GLDC: variants seen among roughly 807,000 people sequenced by gnomAD.
GLDC encodes glycine dehydrogenase (decarboxylating), mitochondrial.
GLDC carries 104 observed loss-of-function variants against 121.3 expected under a neutral mutation model. The ratio of observed to expected loss-of-function variants is 0.86; its 90% CI spans 0.73 to 1.01. GLDC has a LOEUF of 1.01. Among genes scored for constraint, GLDC ranks in the 50% least tolerant of loss-of-function variants. The pLI is 0.00. For synonymous variants in GLDC, 546 were observed against 480.6 expected (o/e 1.14, Z -1.78); for missense variants, 1,429 against 1,306.6 (o/e 1.09, Z -1.44).
At chr9:6,587,338 T>A in intron 14 of GLDC, 55 bp from the exon 15 acceptor site, 2 of 1,221,728 alleles carry the variant, frequency 1.6e-6, no homozygotes, top group Admixed American at 1.7e-5. Flanking sequence ...GCAATAGCAA[T>A]AATAACTTTA....
At chr9:6,558,518 C>A (rs1401866035) in intron 17 of GLDC, 41 bp downstream of exon 17, 2 of 1,611,294 alleles carry the variant, frequency 1.2e-6, no homozygotes, top group Admixed American at 3.3e-5. Context: ...CCAGCACTCC[C>A]CATCCCGGCC....
intron 21 of GLDC, 62 bp downstream of exon 21, chr9:6,550,741 G>A: frequency 3.0e-6 from 3 of 1,014,490 alleles, no homozygotes; most frequent in South Asian, 1.3e-5. Flanking sequence ...AGCGCATCTA[G>A]GTCAAACTTA....
At chr9:6,589,336 G>GAGCC in intron 11 of GLDC, 44 bp from the exon 12 acceptor site, 1 of 1,209,340 alleles carries the variant, frequency 8.3e-7, no homozygotes, top group East Asian at 2.3e-5. Flanking sequence ...ACTGTGCCTG[G>GAGCC]AGCCACATGT....
chr9:6,547,126 G>C (rs537523658), intron 21 of GLDC, among the ~76,000 whole-genome samples: 3 of 152,104 alleles, frequency 2.0e-5, no homozygotes, highest in Admixed American at 6.5e-5. Context: ...GATTACAGGT[G>C]TGAACCAACA....
chr9:6,552,660 G>A (rs1226780034), intron 20 of GLDC, among the ~76,000 whole-genome samples: 1 of 152,128 alleles, frequency 6.6e-6, no homozygotes, highest in African/African-American at 2.4e-5. Flanking sequence ...TTTAAAGAGG[G>A]GCACTGCTTT....
At chr9:6,543,414 C>T (rs1239429839) in intron 21 of GLDC, among the ~76,000 whole-genome samples, 2 of 151,996 alleles carry the variant, frequency 1.3e-5, no homozygotes, top group Non-Finnish European at 2.9e-5. Context: ...TTGCTGGCAG[C>T]GCAAGAGGAG....
In GLDC at chr9:6,559,408, G is replaced by A. The variant is rs569939380; in HGVS notation, c.1927-724C>T. 4.0e-5 allele frequency among the ~76,000 whole-genome samples: 6 copies of A among 150,724 alleles called. No homozygotes were observed. In the South Asian group the frequency reaches 1.3e-3, roughly 32 times the overall value. ...TAGGCGTCTGTAATCCCAGTTACTC[G>A]AGAGGCTGAGGCAGGAGAATTGGTT... On this transcript the variant is annotated intron_variant, in intron 16 of 24. Coordinates refer to ENST00000321612, the MANE Select transcript of GLDC (RefSeq NM_000170.3).
intron 21 of GLDC, among the ~76,000 whole-genome samples, chr9:6,545,536 C>T (rs948497626): frequency 6.6e-6 from 1 of 152,162 alleles, no homozygotes; most frequent in African/African-American, 2.4e-5. Flanking sequence ...AGGTCTAGGA[C>T]ATTCCTGTAT....
At chr9:6,598,341 T>A (rs1307319098) in intron 8 of GLDC, among the ~76,000 whole-genome samples, 4 of 152,230 alleles carry the variant, frequency 2.6e-5, no homozygotes, top group African/African-American at 4.8e-5. Flanking sequence ...TTTTCAGTTT[T>A]GTTTTAGAAT....
At chr9:6,619,170 AAAAAAAGAAG>A (rs1437431480) in intron 3 of GLDC, among the ~76,000 whole-genome samples, 2 of 146,532 alleles carry the variant, frequency 1.4e-5, no homozygotes, top group Non-Finnish European at 3.0e-5. Flanking sequence ...AAAAAAAAAA[AAAAAAAGAAG>A]AAGTAGGAGT....
chr9:6,614,978 A>T (rs1818939312), intron 3 of GLDC, among the ~76,000 whole-genome samples: 2 of 152,206 alleles, frequency 1.3e-5, no homozygotes, highest in Non-Finnish European at 1.5e-5. Flanking sequence ...ACAGAATTAC[A>T]ATTTTATGAG....
intron 15 of GLDC, among the ~76,000 whole-genome samples, chr9:6,572,324 T>C (rs1367469940): frequency 2.0e-5 from 3 of 152,158 alleles, no homozygotes; most frequent in Non-Finnish European, 2.9e-5. Context: ...GAAAATGACA[T>C]GTGGACATGC....
At chr9:6,591,175 C>G (rs1818367970) in intron 11 of GLDC, among the ~76,000 whole-genome samples, 1 of 152,214 alleles carries the variant, frequency 6.6e-6, no homozygotes, top group Non-Finnish European at 1.5e-5. Context: ...ACTCATTACA[C>G]TGAACTGCTT....
At chr9:6,620,375 A>C in intron 2 of GLDC, 56 bp from the exon 3 acceptor site, 2 of 1,445,442 alleles carry the variant, frequency 1.4e-6, no homozygotes, top group Non-Finnish European at 1.9e-6. Context: ...AAGAGCTCTA[A>C]TTACAGTTTA....
chr9:6,623,623 A>T (rs973518116), intron 2 of GLDC, among the ~76,000 whole-genome samples: 1 of 152,180 alleles, frequency 6.6e-6, no homozygotes, highest in African/African-American at 2.4e-5. Context: ...AAAAAAAAAA[A>T]TAAAAAAAGA....
chr9:6,550,979 C>A, intron 20 of GLDC, 65 bp from the exon 21 acceptor site: 1 of 985,110 alleles, frequency 1.0e-6, no homozygotes, highest in Non-Finnish European at 1.6e-6. Context: ...AAGAAACCAA[C>A]CAAAAGACAC....
intron 1 of GLDC, 129 bp downstream of exon 1, chr9:6,645,116 G>A (rs1003244891): frequency 5.4e-6 from 5 of 931,966 alleles, no homozygotes; most frequent in Non-Finnish European, 7.9e-6. Flanking sequence ...TCCACGCCAC[G>A]GCCCGGGACC....
chr9:6,607,794 C>T (rs1015418201), intron 4 of GLDC, among the ~76,000 whole-genome samples: 1 of 151,586 alleles, frequency 6.6e-6, no homozygotes, highest in Non-Finnish European at 1.5e-5. Context: ...GGACTACGGG[C>T]ATGTGCCACC....
intron 20 of GLDC, among the ~76,000 whole-genome samples, chr9:6,553,151 C>T (rs1358764326): frequency 6.6e-6 from 1 of 152,112 alleles, no homozygotes; most frequent in East Asian, 1.9e-4. Flanking sequence ...ACTCTGAGAA[C>T]CCAAAAGAAG....
Sources: gnomAD v4.1 joint callset for allele counts (sites outside exome capture counted in the v4.1 genomes callset) on GRCh38, gnomAD v4.1.1 for gene constraint, MANE v1.5 for transcripts, NCBI Gene and HGNC (gene_info 2026-07-23, HGNC 2026-07-21) for gene names.